Variants in ATP8A2 observed in about 807,000 individuals in gnomAD.
ATP8A2 encodes phospholipid-transporting ATPase IB.
A neutral mutation model predicts 165.6 loss-of-function variants in ATP8A2; 100 were observed. The observed-to-expected ratio is 0.60, with a 90% confidence interval of 0.51 to 0.71. The LOEUF (loss-of-function observed/expected upper bound fraction) is 0.71, where lower values mean the gene tolerates loss of function less well. ATP8A2 is among the 30% of genes least tolerant of loss of function. ATP8A2 has a pLI of 0.00. For missense variants in ATP8A2, 1,227 were observed against 1,479.5 expected (o/e 0.83, Z 2.80); for synonymous variants, 543 against 548.8 (o/e 0.99, Z 0.15).
intron 27 of ATP8A2, among the ~76,000 whole-genome samples, chr13:25,791,713 A>C (rs2045184463): frequency 6.6e-6 from 1 of 152,006 alleles, no homozygotes; most frequent in South Asian, 2.1e-4. Context: ...CCTTCAGGAC[A>C]CTCTTAAAAT....
At chr13:25,692,586 C>G (rs2042748441) in intron 24 of ATP8A2, among the ~76,000 whole-genome samples, 1 of 152,198 alleles carries the variant, frequency 6.6e-6, no homozygotes, top group African/African-American at 2.4e-5. Context: ...AACAGTGGAA[C>G]CACCTTTTGA....
At chr13:25,916,010 C>T (rs1035181031) in intron 33 of ATP8A2, among the ~76,000 whole-genome samples, 3 of 152,164 alleles carry the variant, frequency 2.0e-5, no homozygotes, top group Non-Finnish European at 1.5e-5. Flanking sequence ...TAAACCCATG[C>T]GTTAGTGCAG....
In ATP8A2 at chr13:25,931,844, C is replaced by T. The variant is rs528532263; in HGVS notation, c.3184-29731C>T. Among the ~76,000 whole-genome samples, 23 of 151,818 alleles carry T rather than the reference C, an allele frequency of 1.5e-4. No homozygotes were observed. The South Asian group carries it at 2.1e-3, about 14-fold the overall frequency. On this transcript the variant is annotated intron_variant, in intron 33 of 36. Transcript: ENST00000381655. Reference sequence around the variant, plus strand: ...GGCGTTTCACCTGAAGTCAGGAGTTCGAGACCAGCCTGGCCAACATGGAGA... The same window carrying T: ...GGCGTTTCACCTGAAGTCAGGAGTTTGAGACCAGCCTGGCCAACATGGAGA...
At chr13:25,449,901 T>C (rs2035166569) in intron 1 of ATP8A2, among the ~76,000 whole-genome samples, 2 of 152,256 alleles carry the variant, frequency 1.3e-5, no homozygotes, top group South Asian at 4.1e-4. Context: ...CATGGGAGTT[T>C]GTTGTACAAA....
chr13:25,608,450 T>C (rs1299312174), intron 24 of ATP8A2, among the ~76,000 whole-genome samples: 2 of 152,178 alleles, frequency 1.3e-5, no homozygotes, highest in Admixed American at 1.3e-4. Flanking sequence ...TGTGCTGTTA[T>C]AAATTTGAGC....
Position 25,468,363 on chromosome 13 carries a change from G to C in ATP8A2, c.77-614G>C, listed in dbSNP as rs2035728333. Among the ~76,000 whole-genome samples, 5 of 152,358 alleles carry C rather than the reference G, an allele frequency of 3.3e-5. 1 individual carries two copies. In the South Asian group the frequency reaches 1.0e-3, roughly 32 times the overall value. ...GGTGCATGTAGGGAGAAGAGCAGCG[G>C]ATCCCTTGCAGACAATGGTGGGAGC... On this transcript the variant is annotated intron_variant, in intron 1 of 36. Coordinates refer to ENST00000381655, the MANE Select transcript of ATP8A2 (RefSeq NM_016529.6).
In ATP8A2 at chr13:25,961,663, CG is replaced by C; in HGVS notation, c.3272+1del. The C allele has an allele frequency of 6.2e-7, 1 of 1,611,012 alleles. No individual in the cohort carries two copies. The highest frequency in any genetic ancestry group is 1.1e-5 in the South Asian group (1 of 91,016). Reference sequence around the variant, plus strand: ...TTGATTGAAGATGTGGCATGGAGAGCGTAAGTTTAACAGTGAAGCGGGGACC... The same window carrying C: ...TTGATTGAAGATGTGGCATGGAGAGCTAAGTTTAACAGTGAAGCGGGGACC... On this transcript the variant is annotated splice_donor_variant, in intron 34 of 36. Coordinates refer to ENST00000381655, the MANE Select transcript of ATP8A2 (RefSeq NM_016529.6). LOFTEE classifies it high-confidence loss of function.
intron 2 of ATP8A2, among the ~76,000 whole-genome samples, chr13:25,517,405 T>G (rs2037514977): frequency 6.6e-6 from 1 of 152,228 alleles, no homozygotes; most frequent in Non-Finnish European, 1.5e-5. Flanking sequence ...TGTTATCTTC[T>G]TCTCAGCTCA....
intron 25 of ATP8A2, among the ~76,000 whole-genome samples, chr13:25,732,255 T>C (rs1485114588): frequency 6.6e-6 from 1 of 152,230 alleles, no homozygotes; most frequent in Non-Finnish European, 1.5e-5. Flanking sequence ...CCTTGCTAGA[T>C]GAGCAGCCTC....
chr13:25,831,774 C>T (rs529576048), intron 28 of ATP8A2, among the ~76,000 whole-genome samples: 132 of 150,998 alleles, frequency 8.7e-4, no homozygotes, highest in Middle Eastern at 3.4e-3. Context: ...ACCCGGGAGG[C>T]GGAGGTTGCA....
intron 3 of ATP8A2, 24 bp downstream of exon 3, chr13:25,530,122 T>C: frequency 1.5e-6 from 2 of 1,378,162 alleles, no homozygotes; most frequent in Non-Finnish European, 2.1e-6. Context: ...AACAGTTCCT[T>C]GGAATTCACT....
intron 33 of ATP8A2, among the ~76,000 whole-genome samples, chr13:25,891,665 G>T (rs1953366002): frequency 6.6e-6 from 1 of 152,020 alleles, no homozygotes; most frequent in Non-Finnish European, 1.5e-5. Context: ...CCTATTAACT[G>T]ATAATTTATC....
chr13:25,946,479 A>G (rs866350831), intron 33 of ATP8A2, among the ~76,000 whole-genome samples: 5 of 152,150 alleles, frequency 3.3e-5, no homozygotes, highest in Non-Finnish European at 7.4e-5. Context: ...CCATCCCAAC[A>G]TCTTCAGCTC....
intron 24 of ATP8A2, among the ~76,000 whole-genome samples, chr13:25,663,055 A>G (rs2042083636): frequency 6.6e-6 from 1 of 152,232 alleles, no homozygotes; most frequent in African/African-American, 2.4e-5. Context: ...GGGCACCTGC[A>G]CAGGCATCTG....
At chr13:25,534,738 G>A (rs2038221821) in intron 6 of ATP8A2, among the ~76,000 whole-genome samples, 1 of 152,232 alleles carries the variant, frequency 6.6e-6, no homozygotes, top group Admixed American at 6.5e-5. Context: ...GCCAGAGATT[G>A]TACTAGGCAT....
intron 2 of ATP8A2, among the ~76,000 whole-genome samples, chr13:25,496,706 G>T (rs2036688841): frequency 6.6e-6 from 1 of 152,108 alleles, no homozygotes; most frequent in South Asian, 2.1e-4. Context: ...ATCTCTAATA[G>T]CCCAGGATTT....
chr13:25,825,145 CTTTTTTTTTTTTTTTT>C (rs60778003), intron 27 of ATP8A2, among the ~76,000 whole-genome samples: 2 of 27,472 alleles, frequency 7.3e-5, no homozygotes, highest in African/African-American at 3.0e-4. Context: ...TATGTGTTTG[CTTTTTTTTTTTTTTTT>C]TTTTTTTTTT....
At chr13:25,875,255 T>C (rs1243188533) in intron 33 of ATP8A2, among the ~76,000 whole-genome samples, 8 of 149,412 alleles carry the variant, frequency 5.4e-5, no homozygotes, top group Non-Finnish European at 1.5e-5. Context: ...TTTATCACAA[T>C]TTTAAAAATG....
chr13:25,987,263 A>G (rs1469195868), intron 35 of ATP8A2, among the ~76,000 whole-genome samples: 1 of 152,272 alleles, frequency 6.6e-6, no homozygotes, highest in African/African-American at 2.4e-5. Flanking sequence ...AAGGTAATTT[A>G]GCCAAATTAG....
Sources: allele counts gnomAD v4.1 joint callset (sites outside exome capture counted in the v4.1 genomes callset), GRCh38; gene constraint gnomAD v4.1.1; transcripts MANE v1.5; gene names NCBI Gene and HGNC (gene_info 2026-07-23, HGNC 2026-07-21).